KLHL8: variants seen among roughly 807,000 people sequenced by gnomAD.
The protein encoded by KLHL8 is kelch-like protein 8.
KLHL8 carries 38 observed loss-of-function variants against 63.5 expected under a neutral mutation model. The observed-to-expected ratio is 0.60, with a 90% CI of 0.46 to 0.78. The LOEUF is 0.78. KLHL8 is among the 30% of genes least tolerant of loss of function. The probability of loss-of-function intolerance (pLI) is 0.00; values close to 1 mark genes in which losing one functional copy is unlikely to be tolerated. For missense variants in KLHL8, 566 were observed against 752.4 expected (o/e 0.75, Z 2.90); for synonymous variants, 224 against 254.3 (o/e 0.88, Z 1.13).
chr4:87,178,634 C>T lies in KLHL8; in HGVS notation c.953-14G>A. On this transcript the variant is annotated splice_polypyrimidine_tract_variant and intron_variant, in intron 4 of 9. Transcript: ENST00000273963. ...AAAACAGCACACCTAAAGGTAAAGCCACAAAATAGAGATAAATCATAGCTG... is the reference window on the plus strand; with the variant it reads ...AAAACAGCACACCTAAAGGTAAAGCTACAAAATAGAGATAAATCATAGCTG... The T allele has an allele frequency of 1.3e-6, 2 of 1,506,444 alleles. No homozygotes were observed. Among genetic ancestry groups the T allele is most frequent in the Non-Finnish European group, 1.8e-6 (2 of 1,130,818 alleles). 93.3% of individuals were successfully genotyped at this position (1,506,444 alleles called of 1,614,324 possible). A position where few individuals can be genotyped will look rare whatever the true frequency, so the allele number is the denominator to read the frequency against.
chr4:87,205,045 AAAGACACAAGGCAATATAATCAC>A (rs1732067756), intron 1 of KLHL8, among the ~76,000 whole-genome samples: 1 of 152,246 alleles, frequency 6.6e-6, no homozygotes, highest in South Asian at 2.1e-4. Context: ...ATAAAACTCA[AAAGACACAAGGCAATATAATCAC>A]AAGCCACTCT....
chr4:87,210,246 C>T (rs1234385614), intron 1 of KLHL8, among the ~76,000 whole-genome samples: 1 of 152,112 alleles, frequency 6.6e-6, no homozygotes, highest in African/African-American at 2.4e-5. Flanking sequence ...CTTTGGGAGG[C>T]CGAGGCGGGC....
At chr4:87,192,654 G>A (rs1032760879) in intron 2 of KLHL8, among the ~76,000 whole-genome samples, 7 of 152,060 alleles carry the variant, frequency 4.6e-5, no homozygotes, top group African/African-American at 1.7e-4. Flanking sequence ...TGAAGGATGG[G>A]GATACATTCT....
chr4:87,193,716 G>C (rs1458059305), intron 2 of KLHL8, among the ~76,000 whole-genome samples: 1 of 152,124 alleles, frequency 6.6e-6, no homozygotes, highest in Non-Finnish European at 1.5e-5. Flanking sequence ...GTTTACACCA[G>C]CATCACCACA....
intron 6 of KLHL8, among the ~76,000 whole-genome samples, chr4:87,170,928 C>T (rs1487666315): frequency 6.6e-6 from 1 of 152,146 alleles, no homozygotes; most frequent in Non-Finnish European, 1.5e-5. Flanking sequence ...TTAGTGCACA[C>T]ACAGCGGCAT....
intron 1 of KLHL8, among the ~76,000 whole-genome samples, chr4:87,229,592 T>C (rs1733100688): frequency 1.4e-5 from 2 of 147,270 alleles, no homozygotes; most frequent in African/African-American, 5.1e-5. Flanking sequence ...CCATCATGCA[T>C]GGCTAATTTT....
intron 1 of KLHL8, among the ~76,000 whole-genome samples, chr4:87,234,621 TAA>T (rs1250452913): frequency 1.3e-5 from 2 of 152,218 alleles, no homozygotes; most frequent in African/African-American, 4.8e-5. Flanking sequence ...GTATATTCTA[TAA>T]TACTTGATAA....
At chr4:87,236,937 T>C (rs1257716083) in intron 1 of KLHL8, among the ~76,000 whole-genome samples, 1 of 152,172 alleles carries the variant, frequency 6.6e-6, no homozygotes, top group Non-Finnish European at 1.5e-5. Flanking sequence ...GTGCTGAGAT[T>C]ACAGGCGCGA....
chr4:87,169,241 G>A (rs1227593299), intron 8 of KLHL8, among the ~76,000 whole-genome samples: 1 of 152,168 alleles, frequency 6.6e-6, no homozygotes, highest in Non-Finnish European at 1.5e-5. Flanking sequence ...TGTGGCAGAG[G>A]TTGCAGTGAG....
intron 1 of KLHL8, among the ~76,000 whole-genome samples, chr4:87,201,264 T>C (rs1296022046): frequency 1.3e-5 from 2 of 152,212 alleles, no homozygotes; most frequent in Non-Finnish European, 2.9e-5. Flanking sequence ...AATTTTATGT[T>C]GTGTTTTTCA....
rs58112792 is a variant in KLHL8, at chr4:87,214,415, G to GATATATATAT, written c.-152+5993_-152+6002dup. Among the ~76,000 whole-genome samples the GATATATATAT allele has an allele frequency of 7.5e-3, 696 of 92,888 alleles. 40 individuals are homozygous for GATATATATAT. Among genetic ancestry groups the GATATATATAT allele is most frequent in the Non-Finnish European group, 0.011 (484 of 42,156 alleles). The allele number at this position is 92,888 out of a possible 152,430, so 60.9% of individuals were successfully genotyped here. ...TGAGTTAACAAACTGGCACATAACA[G>GATATATATAT]ATATATATATATATATATATATATA... On this transcript the variant is annotated intron_variant, in intron 1 of 9. Transcript: ENST00000273963.
Position 87,182,273 on chromosome 4 carries a change from T to TA in KLHL8, c.952+929dup, listed in dbSNP as rs538960628. Among the ~76,000 whole-genome samples the TA allele has an allele frequency of 9.0e-3, 1,348 of 149,296 alleles. 6 individuals are homozygous for TA. The highest frequency in any genetic ancestry group is 0.015 in the Non-Finnish European group (992 of 67,112). On this transcript the variant is annotated intron_variant, in intron 4 of 9. Coordinates refer to ENST00000273963, the MANE Select transcript of KLHL8 (RefSeq NM_020803.5). ...AAAATTACTTACTTACATCAACCTA[T>TA]AAAAAATGAGGATAATTAGTTTCAT... is the stretch of plus-strand genomic sequence containing the variant.
chr4:87,209,848 GTTTTTTTT>G (rs35717106), intron 1 of KLHL8, among the ~76,000 whole-genome samples: 1 of 105,384 alleles, frequency 9.5e-6, no homozygotes, highest in Admixed American at 1.1e-4. Context: ...TCCGTTTTGG[GTTTTTTTT>G]TTTTTTTTTT....
chr4:87,238,070 G>A (rs898728319), intron 1 of KLHL8, among the ~76,000 whole-genome samples: 6 of 152,056 alleles, frequency 3.9e-5, no homozygotes, highest in African/African-American at 1.4e-4. Flanking sequence ...TGAGTAGCTG[G>A]GATGACAGGC....
chr4:87,206,960 A>T (rs1732153896), intron 1 of KLHL8: 2 of 270,658 alleles, frequency 7.4e-6, no homozygotes, highest in East Asian at 2.0e-4. Context: ...GAGTGACTGA[A>T]TTAACACGAT....
At chr4:87,195,245 C>T (rs899947480) in intron 2 of KLHL8, 79 bp downstream of exon 2, 6 of 1,136,926 alleles carry the variant, frequency 5.3e-6, no homozygotes, top group Non-Finnish European at 7.5e-6. Flanking sequence ...ACAAAATTTG[C>T]CTTGTATGGT....
intron 6 of KLHL8, among the ~76,000 whole-genome samples, chr4:87,172,849 T>C (rs553030426): frequency 1.3e-5 from 2 of 152,318 alleles, no homozygotes; most frequent in East Asian, 3.9e-4. Context: ...CCATTTTGAA[T>C]GCAGAAGTTC....
At chr4:87,224,211 A>G (rs904556705), upstream of KLHL8, among the ~76,000 whole-genome samples, 1 of 152,118 alleles carries the variant, frequency 6.6e-6, no homozygotes, top group Admixed American at 6.5e-5. Context: ...CGGCCTCCCA[A>G]AGTGCTGGGA....
chr4:87,177,559 T>TGC (rs759024490), intron 5 of KLHL8, among the ~76,000 whole-genome samples: 91 of 151,776 alleles, frequency 6.0e-4, no homozygotes, highest in Non-Finnish European at 1.1e-3. Context: ...ATATAAACTG[T>TGC]GCACACACAC....
Sources: gnomAD v4.1 joint callset for allele counts (sites outside exome capture counted in the v4.1 genomes callset) on GRCh38, gnomAD v4.1.1 for gene constraint, MANE v1.5 for transcripts, NCBI Gene and HGNC (gene_info 2026-07-23, HGNC 2026-07-21) for gene names.